The following ATG10 variants were observed in gnomAD, a reference collection of about 807,000 sequenced individuals.
The protein encoded by ATG10 is autophagy related 10.
Under a neutral mutation model 32.1 loss-of-function variants are expected in ATG10, and 30 were observed. The ratio of observed to expected loss-of-function variants is 0.94; its 90% confidence interval spans 0.70 to 1.27. The LOEUF (loss-of-function observed/expected upper bound fraction) is 1.27. ATG10 is among the 50% of genes most tolerant of loss of function. ATG10 has a pLI of 0.00. For missense variants in ATG10, 233 were observed against 262.3 expected, an observed-to-expected ratio of 0.89 and a Z score of 0.77; for synonymous variants, 87 against 91.5, an observed-to-expected ratio of 0.95 and a Z score of 0.28.
At chr5:82,024,114 C>T (rs762103963) in intron 2 of ATG10, among the ~76,000 whole-genome samples, 2 of 152,120 alleles carry the variant, frequency 1.3e-5, no homozygotes, top group Non-Finnish European at 2.9e-5. Flanking sequence ...CTCTCATAAA[C>T]CTCAAAGTGT....
Position 82,129,181 on chromosome 5 carries a change from G to C in ATG10, c.217-35218G>C, listed in dbSNP as rs117143241. On this transcript the variant is annotated intron_variant, in intron 3 of 7. Transcript: ENST00000282185. ...ATGCTTCACGAAGTTCTCATGCTGT[G>C]TTTTTAGCTACATCAGTTCATTTGG... 9.2e-5 allele frequency among the ~76,000 whole-genome samples: 14 copies of C among 151,814 alleles called. 2 individuals are homozygous for C. The East Asian group carries it at 2.8e-3, about 30-fold the overall frequency.
chr5:82,061,698 A>G (rs1374433132), intron 3 of ATG10, among the ~76,000 whole-genome samples: 1 of 147,930 alleles, frequency 6.8e-6, no homozygotes, highest in Non-Finnish European at 1.5e-5. Flanking sequence ...TGTATTATAT[A>G]TAATATATGT....
intron 3 of ATG10, among the ~76,000 whole-genome samples, chr5:82,163,975 G>A (rs1021692832): frequency 2.6e-5 from 4 of 152,128 alleles, no homozygotes; most frequent in African/African-American, 9.7e-5. Context: ...ATCATCTTTT[G>A]GCAAGTACAA....
chr5:82,219,219 CAG>C (rs1315723170), intron 5 of ATG10, among the ~76,000 whole-genome samples: 1 of 152,166 alleles, frequency 6.6e-6, no homozygotes, highest in East Asian at 1.9e-4. Flanking sequence ...TCGCCTCTTG[CAG>C]AATCCTGAAA....
intron 3 of ATG10, among the ~76,000 whole-genome samples, chr5:82,065,277 G>C (rs1246855569): frequency 6.6e-6 from 1 of 152,056 alleles, no homozygotes; most frequent in Non-Finnish European, 1.5e-5. Flanking sequence ...ACTTGAGGCT[G>C]TGAGTTTGAG....
Position 82,062,293 on chromosome 5 carries a change from C to T in ATG10, c.216+3691C>T, listed in dbSNP as rs182766163. Reference sequence around the variant, plus strand: ...GAATGGAATCGGATGATAAACCCTTCATCTTCCAGTCAACTCCAGTGTTTT... The same window carrying T: ...GAATGGAATCGGATGATAAACCCTTTATCTTCCAGTCAACTCCAGTGTTTT... On this transcript the variant is annotated intron_variant, in intron 3 of 7. Transcript: ENST00000282185. 3.7e-3 allele frequency among the ~76,000 whole-genome samples: 562 copies of T among 152,196 alleles called. 5 individuals carry two copies. Among genetic ancestry groups the T allele is most frequent in the Non-Finnish European group, 2.8e-3 (190 of 68,020 alleles).
intron 1 of ATG10, among the ~76,000 whole-genome samples, chr5:81,975,063 C>T (rs1272092889): frequency 1.3e-5 from 2 of 152,150 alleles, no homozygotes; most frequent in Non-Finnish European, 2.9e-5. Context: ...ACAAGTTACC[C>T]TCTCTGTCTC....
intron 3 of ATG10, among the ~76,000 whole-genome samples, chr5:82,144,606 T>C (rs1767274453): frequency 6.6e-6 from 1 of 151,906 alleles, no homozygotes; most frequent in Non-Finnish European, 1.5e-5. Context: ...TTTTAAAATA[T>C]TTAGGGTTTT....
chr5:82,252,703 A>G lies in ATG10; in HGVS notation c.551+44A>G, dbSNP rs781088000. 2.6e-6 allele frequency: 3 copies of G among 1,156,760 alleles called. No homozygotes were observed. The Admixed American group carries it at 6.9e-5, about 27-fold the overall frequency. 71.7% of individuals were successfully genotyped at this position (1,156,760 alleles called of 1,614,324 possible). A position where few individuals can be genotyped will look rare whatever the true frequency, so the allele number is the denominator to read the frequency against. ...ATACATTGGCTTCTACTCTGATTTT[A>G]AAAGTGTAAATCTTTTTATGTGACT... On this transcript the variant is annotated intron_variant, in intron 6 of 7. Coordinates refer to ENST00000282185, the MANE Select transcript of ATG10 (RefSeq NM_031482.5).
At chr5:82,001,294 A>ACT (rs1761841745) in intron 2 of ATG10, among the ~76,000 whole-genome samples, 1 of 152,196 alleles carries the variant, frequency 6.6e-6, no homozygotes, top group South Asian at 2.1e-4. Context: ...GAATTAGAAA[A>ACT]AACAGTTTTA....
chr5:82,100,153 TGCC>T (rs1387227365), intron 3 of ATG10, among the ~76,000 whole-genome samples: 1 of 151,452 alleles, frequency 6.6e-6, no homozygotes, highest in Non-Finnish European at 1.5e-5. Context: ...GGATTACAGG[TGCC>T]TGCCACCACA....
At chr5:82,193,022 A>G (rs906831987) in intron 5 of ATG10, among the ~76,000 whole-genome samples, 2 of 152,182 alleles carry the variant, frequency 1.3e-5, no homozygotes, top group African/African-American at 4.8e-5. Context: ...GCTGTTTACT[A>G]TGAGGTGGGG....
intron 3 of ATG10, among the ~76,000 whole-genome samples, chr5:82,145,586 T>C (rs1056139967): frequency 6.6e-6 from 1 of 152,242 alleles, no homozygotes; most frequent in South Asian, 2.1e-4. Context: ...ATTATATGTA[T>C]ACACATTATG....
intron 3 of ATG10, among the ~76,000 whole-genome samples, chr5:82,110,752 C>T (rs1221819725): frequency 3.9e-5 from 6 of 151,956 alleles, no homozygotes; most frequent in South Asian, 2.1e-4. Context: ...TTGTAGGTTG[C>T]CTGTTCACTC....
At chr5:82,030,077 G>C (rs1196598296) in intron 2 of ATG10, among the ~76,000 whole-genome samples, 1 of 152,122 alleles carries the variant, frequency 6.6e-6, no homozygotes, top group Admixed American at 6.6e-5. Context: ...CTCAAGGCAG[G>C]CTGTTCTTAT....
Position 82,164,385 on chromosome 5 carries a change from T to A in ATG10, c.217-14T>A. 1 of 1,613,050 alleles carries A rather than the reference T, an allele frequency of 6.2e-7. No homozygotes were observed. Among genetic ancestry groups the A allele is most frequent in the Non-Finnish European group, 8.5e-7 (1 of 1,179,678 alleles). On this transcript the variant is annotated splice_polypyrimidine_tract_variant and intron_variant, in intron 3 of 7. Coordinates refer to ENST00000282185, the MANE Select transcript of ATG10 (RefSeq NM_031482.5). ...TAAGAAACCCGTTTTCGTTTTGTTT[T>A]TGCTTTTTTTTAGGAGGCTTTCGAG...
At chr5:82,188,664 T>C (rs1744545292) in intron 5 of ATG10, among the ~76,000 whole-genome samples, 1 of 151,832 alleles carries the variant, frequency 6.6e-6, no homozygotes, top group Non-Finnish European at 1.5e-5. Context: ...TGGAGAAGCC[T>C]GGGGGCTGGG....
intron 3 of ATG10, among the ~76,000 whole-genome samples, chr5:82,144,246 C>T (rs1767259984): frequency 6.6e-6 from 1 of 151,748 alleles, no homozygotes; most frequent in South Asian, 2.1e-4. Context: ...AGAGGTTCAT[C>T]AGTTCAATTA....
intron 3 of ATG10, among the ~76,000 whole-genome samples, chr5:82,152,397 G>A (rs1767640058): frequency 6.6e-6 from 1 of 152,230 alleles, no homozygotes. Flanking sequence ...TCTGAAGCGT[G>A]GAGTCCTGGG....
Sources: allele counts gnomAD v4.1 joint callset (sites outside exome capture counted in the v4.1 genomes callset), GRCh38; gene constraint gnomAD v4.1.1; transcripts MANE v1.5; gene names NCBI Gene and HGNC (gene_info 2026-07-23, HGNC 2026-07-21).